Variants in ATP9A observed in about 807,000 individuals in gnomAD.
ATP9A encodes the protein ATPase phospholipid transporting 9A.
In ATP9A, 52 loss-of-function variants were observed where a neutral mutation model predicts 144.1. The ratio of observed to expected loss-of-function variants is 0.36; its 90% CI spans 0.29 to 0.45. The LOEUF (loss-of-function observed/expected upper bound fraction) is 0.45. Among genes scored for constraint, ATP9A ranks in the 20% least tolerant of loss-of-function variants. ATP9A has a pLI of 1.00. For synonymous variants in ATP9A, 582 were observed against 557.4 expected (o/e 1.04, Z -0.62); for missense variants, 947 against 1,392.7 (o/e 0.68, Z 5.09).
In ATP9A at chr20:51,730,329, G is replaced by A. The variant is rs145377061; in HGVS notation, c.69-351C>T. On this transcript the variant is annotated intron_variant, in intron 1 of 27. Coordinates refer to ENST00000338821, the MANE Select transcript of ATP9A (RefSeq NM_006045.3). ...TAAAAAATACAAAAATTAGCCGGGC[G>A]TGTTGGCACGTGCCTGTAATCCCAG... is the stretch of plus-strand genomic sequence containing the variant. Among the ~76,000 whole-genome samples, 681 of 152,264 alleles carry A rather than the reference G, an allele frequency of 4.5e-3. 4 individuals carry two copies. The highest frequency in any genetic ancestry group is 0.016 in the African/African-American group (663 of 41,548).
At chr20:51,672,898 C>CAG (rs1020791160) in intron 11 of ATP9A, among the ~76,000 whole-genome samples, 52 of 152,012 alleles carry the variant, frequency 3.4e-4, no homozygotes, top group African/African-American at 1.2e-3. Flanking sequence ...TTTGTAAAGG[C>CAG]AGATTTTAGT....
intron 23 of ATP9A, among the ~76,000 whole-genome samples, chr20:51,612,470 G>A (rs1160797126): frequency 6.6e-6 from 1 of 152,172 alleles, no homozygotes; most frequent in African/African-American, 2.4e-5. Flanking sequence ...TGTTGCCCAG[G>A]CTGGAGTGCA....
intron 15 of ATP9A, among the ~76,000 whole-genome samples, chr20:51,635,824 G>GGAAGGAAGGAAGGAA (rs1172081200): frequency 9.1e-6 from 1 of 110,114 alleles, no homozygotes; most frequent in Non-Finnish European, 1.8e-5. Context: ...AAGGAAGGAA[G>GGAAGGAAGGAAGGAA]GGAGGGAGGG....
At chr20:51,690,080 C>A (rs2077540423) in intron 8 of ATP9A, among the ~76,000 whole-genome samples, 1 of 135,676 alleles carries the variant, frequency 7.4e-6, no homozygotes, top group East Asian at 2.3e-4. Context: ...CCACTGCACT[C>A]CAGCCTAGGC....
At chr20:51,650,483 G>A (rs1357413613) in intron 14 of ATP9A, among the ~76,000 whole-genome samples, 6 of 150,660 alleles carry the variant, frequency 4.0e-5, no homozygotes, top group South Asian at 2.1e-4. Context: ...GCAGTGAGCC[G>A]AGATGGTGCC....
intron 1 of ATP9A, among the ~76,000 whole-genome samples, chr20:51,753,812 A>G (rs1404394951): frequency 1.3e-5 from 2 of 150,690 alleles, no homozygotes; most frequent in African/African-American, 4.9e-5. Flanking sequence ...GATTACAGGC[A>G]TGTGCCACCA....
At chr20:51,751,996 G>A (rs59714622) in intron 1 of ATP9A, among the ~76,000 whole-genome samples, 29,619 of 151,686 alleles carry the variant, frequency 0.2, 3,405 homozygotes, top group East Asian at 0.34. Context: ...CAAGACAAAC[G>A]AGGGCACTGC....
intron 15 of ATP9A, among the ~76,000 whole-genome samples, chr20:51,635,803 A>AG (rs1258744891): frequency 7.7e-5 from 2 of 26,038 alleles, no homozygotes; most frequent in East Asian, 2.4e-3. Context: ...GGAGGGGAGG[A>AG]GGAAGGAAGG....
chr20:51,658,137 G>T (rs1001495817), intron 13 of ATP9A, among the ~76,000 whole-genome samples: 2 of 152,198 alleles, frequency 1.3e-5, no homozygotes, highest in African/African-American at 4.8e-5. Context: ...GCAGCAAGTG[G>T]TGTCTGTCCT....
intron 14 of ATP9A, among the ~76,000 whole-genome samples, chr20:51,650,844 CAT>C (rs748963699): frequency 2.0e-5 from 3 of 152,138 alleles, no homozygotes; most frequent in Non-Finnish European, 4.4e-5. Context: ...CATACACACA[CAT>C]GTGCATCCAT....
In ATP9A at chr20:51,609,951, C is replaced by G. The variant is rs2077178681; in HGVS notation, c.2636+150G>C. ...AAAACCTTGTTAATTGAAGGAGGTT[C>G]TAAACCATGGTGCTGGGCCTGCATT... On this transcript the variant is annotated intron_variant, in intron 24 of 27. Coordinates refer to ENST00000338821, the MANE Select transcript of ATP9A (RefSeq NM_006045.3). 4.5e-6 allele frequency: 3 copies of G among 663,448 alleles called. No homozygotes were observed. In the Admixed American group the frequency reaches 8.2e-5, roughly 18 times the overall value. The allele number at this position is 663,448 out of a possible 1,614,324, so 41.1% of individuals were successfully genotyped here. A position where few individuals can be genotyped will look rare whatever the true frequency, so the allele number is the denominator to read the frequency against.
chr20:51,691,374 C>G (rs886264173), intron 7 of ATP9A, among the ~76,000 whole-genome samples: 1 of 152,180 alleles, frequency 6.6e-6, no homozygotes, highest in Non-Finnish European at 1.5e-5. Context: ...GAGGCTGAGG[C>G]AGGAGAATCG....
intron 9 of ATP9A, among the ~76,000 whole-genome samples, chr20:51,681,771 C>T (rs911377116): frequency 4.6e-5 from 7 of 152,204 alleles, no homozygotes; most frequent in African/African-American, 1.4e-4. Context: ...TGGGCACATG[C>T]ATCTGTCTCC....
intron 1 of ATP9A, among the ~76,000 whole-genome samples, chr20:51,731,850 G>A (rs921408383): frequency 6.6e-6 from 1 of 152,238 alleles, no homozygotes; most frequent in Middle Eastern, 3.4e-3. Context: ...ACCCCATGCT[G>A]TCACAGCTGC....
chr20:51,750,282 C>T (rs1006678860), intron 1 of ATP9A, among the ~76,000 whole-genome samples: 2 of 152,218 alleles, frequency 1.3e-5, no homozygotes, highest in East Asian at 1.9e-4. Context: ...CATTCACCTC[C>T]CCCAGGCCTG....
chr20:51,681,427 C>CTTTTTTTTT (rs66579534), intron 9 of ATP9A, among the ~76,000 whole-genome samples: 5 of 131,632 alleles, frequency 3.8e-5, no homozygotes, highest in Non-Finnish European at 4.7e-5. Context: ...TCCTAAATTT[C>CTTTTTTTTT]TTTTTTTTTT....
chr20:51,641,608 A>G (rs973609819), intron 14 of ATP9A, among the ~76,000 whole-genome samples: 2 of 151,746 alleles, frequency 1.3e-5, no homozygotes, highest in Admixed American at 1.3e-4. Flanking sequence ...TGAGGTCAGG[A>G]GTTCGAGACC....
intron 9 of ATP9A, among the ~76,000 whole-genome samples, chr20:51,684,449 C>G (rs1408293984): frequency 1.3e-5 from 2 of 152,060 alleles, no homozygotes; most frequent in Non-Finnish European, 2.9e-5. Flanking sequence ...GTAATCCCAG[C>G]ACTTTGGGAG....
In ATP9A at chr20:51,676,224, G is replaced by GA. The variant is rs11339305; in HGVS notation, c.800-17dup. The GA allele has an allele frequency of 0.093, 104,444 of 1,123,138 alleles. 2 individuals are homozygous for GA. The highest frequency in any genetic ancestry group is 0.11 in the Non-Finnish European group (85,867 of 816,476). 69.6% of individuals were successfully genotyped at this position (1,123,138 alleles called of 1,614,324 possible). On this transcript the variant is annotated splice_polypyrimidine_tract_variant and intron_variant, in intron 9 of 27. Coordinates refer to ENST00000338821, the MANE Select transcript of ATP9A (RefSeq NM_006045.3). ...ACAACAGTACCTAAAATGGAAAAAA[G>GA]AAAAAAAAAAAAAGAAAAGAAATAT...
Sources: allele counts gnomAD v4.1 joint callset (sites outside exome capture counted in the v4.1 genomes callset), GRCh38; gene constraint gnomAD v4.1.1; transcripts MANE v1.5; gene names NCBI Gene and HGNC (gene_info 2026-07-23, HGNC 2026-07-21).